The following RGS6 variants were observed in gnomAD, a reference collection of about 807,000 sequenced individuals.
RGS6 encodes regulator of G-protein signaling 6.
In RGS6, 30 loss-of-function variants were observed where a neutral mutation model predicts 78.5. The observed-to-expected ratio is 0.38, with a 90% CI of 0.29 to 0.52. RGS6 has a LOEUF of 0.52. Among genes scored for constraint, RGS6 ranks in the 20% least tolerant of loss-of-function variants. The probability of loss-of-function intolerance (pLI) is 0.85; values close to 1 mark genes in which losing one functional copy is unlikely to be tolerated. For missense variants in RGS6, 495 were observed against 609.7 expected, an observed-to-expected ratio of 0.81 and a Z score of 1.98; for synonymous variants, 206 against 206.0, an observed-to-expected ratio of 1.00 and a Z score of 0.00.
At chr14:72,192,911 A>G (rs138658562) in intron 2 of RGS6, among the ~76,000 whole-genome samples, 136 of 152,004 alleles carry the variant, frequency 8.9e-4, no homozygotes, top group African/African-American at 1.7e-3. Flanking sequence ...TTTCATCAGT[A>G]TAAGGACCCA....
chr14:72,120,148 T>C (rs1226136049), intron 2 of RGS6, among the ~76,000 whole-genome samples: 2 of 152,228 alleles, frequency 1.3e-5, no homozygotes, highest in African/African-American at 4.8e-5. Context: ...TGTCATGGAA[T>C]ATTTAGAGGA....
At chr14:72,360,018 C>T (rs780646682) in intron 3 of RGS6, among the ~76,000 whole-genome samples, 63 of 151,166 alleles carry the variant, frequency 4.2e-4, no homozygotes, top group Middle Eastern at 3.4e-3. Flanking sequence ...TAGAGGGGTA[C>T]GTTAGGTCAG....
intron 2 of RGS6, among the ~76,000 whole-genome samples, chr14:71,992,928 T>G (rs1380624287): frequency 6.6e-6 from 1 of 152,224 alleles, no homozygotes; most frequent in Non-Finnish European, 1.5e-5. Flanking sequence ...TGCATGTTCT[T>G]TCTCCATTGT....
chr14:72,201,414 C>T (rs2041555477), intron 2 of RGS6, among the ~76,000 whole-genome samples: 1 of 152,140 alleles, frequency 6.6e-6, no homozygotes, highest in Admixed American at 6.6e-5. Context: ...TGAATAATTG[C>T]AATCTAGGAT....
chr14:72,265,808 A>T (rs699368), intron 2 of RGS6, among the ~76,000 whole-genome samples: 2 of 151,880 alleles, frequency 1.3e-5, no homozygotes, highest in African/African-American at 4.8e-5. Flanking sequence ...GCCTTCCCCA[A>T]GCTGCCTGTG....
chr14:71,988,787 A>G (rs1050151805), intron 2 of RGS6, among the ~76,000 whole-genome samples: 1 of 152,168 alleles, frequency 6.6e-6, no homozygotes, highest in Non-Finnish European at 1.5e-5. Context: ...ATTTATTTCC[A>G]GGAACCCATG....
At chr14:72,577,483 C>T in the RGS6 span, among the ~76,000 whole-genome samples, 1 of 152,194 alleles carries the variant, frequency 6.6e-6, no homozygotes, top group Non-Finnish European at 1.5e-5. Context: ...TTTTACCCCA[C>T]CTCTGAAAAA....
intron 2 of RGS6, among the ~76,000 whole-genome samples, chr14:72,264,744 A>G (rs2058750200): frequency 6.6e-6 from 1 of 152,226 alleles, no homozygotes; most frequent in Non-Finnish European, 1.5e-5. Context: ...CAAGTTTGCA[A>G]TCCTGGGTCT....
intron 3 of RGS6, among the ~76,000 whole-genome samples, chr14:72,378,437 A>C (rs2085276874): frequency 6.6e-6 from 1 of 152,080 alleles, no homozygotes; most frequent in South Asian, 2.1e-4. Context: ...GAAAAGAAAA[A>C]CAAAATTTTA....
intron 2 of RGS6, among the ~76,000 whole-genome samples, chr14:72,213,596 A>G (rs2044724306): frequency 6.6e-6 from 1 of 152,032 alleles, no homozygotes; most frequent in African/African-American, 2.4e-5. Flanking sequence ...ACTGGGAACA[A>G]CCCCTCCTTA....
intron 3 of RGS6, among the ~76,000 whole-genome samples, chr14:72,403,329 TAAGTG>T (rs1355048946): frequency 6.6e-6 from 1 of 152,242 alleles, no homozygotes; most frequent in Admixed American, 6.5e-5. Flanking sequence ...GACATTACGT[TAAGTG>T]AAGTAACCCA....
intron 3 of RGS6, among the ~76,000 whole-genome samples, chr14:72,414,617 C>G (rs994918174): frequency 5.3e-5 from 8 of 152,196 alleles, no homozygotes. Flanking sequence ...AGCTGCATTC[C>G]TTTGGAGGAG....
the RGS6 span, among the ~76,000 whole-genome samples, chr14:72,609,827 G>A: frequency 1.3e-5 from 2 of 152,172 alleles, no homozygotes; most frequent in African/African-American, 4.8e-5. Flanking sequence ...TCCCAAATCT[G>A]TAGCCCTTTT....
chr14:72,622,381 A>G, the RGS6 span, among the ~76,000 whole-genome samples: 20 of 152,330 alleles, frequency 1.3e-4, no homozygotes, highest in Admixed American at 1.2e-3. Flanking sequence ...AAACAGTTAC[A>G]TCATTATTGC....
At chr14:72,428,666 A>G (rs890933904) in intron 3 of RGS6, among the ~76,000 whole-genome samples, 1 of 152,204 alleles carries the variant, frequency 6.6e-6, no homozygotes, top group African/African-American at 2.4e-5. Context: ...CCATGTAACA[A>G]CTGAAGAGCA....
chr14:72,266,076 T>A (rs968338224), intron 2 of RGS6, among the ~76,000 whole-genome samples: 6 of 152,188 alleles, frequency 3.9e-5, no homozygotes, highest in African/African-American at 1.4e-4. Context: ...CACTCATGAT[T>A]TTGTGGATCG....
intron 3 of RGS6, among the ~76,000 whole-genome samples, chr14:72,358,217 T>C (rs750133343): frequency 6.6e-6 from 1 of 152,212 alleles, no homozygotes; most frequent in Non-Finnish European, 1.5e-5. Flanking sequence ...AGAGCCCTCA[T>C]GGAGAGCCTC....
chr14:72,204,005 T>C (rs1417775562), intron 2 of RGS6, among the ~76,000 whole-genome samples: 27 of 151,966 alleles, frequency 1.8e-4, no homozygotes, highest in Admixed American at 1.8e-3. Context: ...TTTGTATTTT[T>C]AGTAGACGGG....
intron 1 of RGS6, among the ~76,000 whole-genome samples, chr14:71,955,403 C>T (rs577016453): frequency 2.0e-5 from 3 of 152,186 alleles, no homozygotes; most frequent in East Asian, 1.9e-4. Flanking sequence ...AGAAATAATT[C>T]GGGGCAAGTC....
Sources: gnomAD v4.1 joint callset for allele counts (sites outside exome capture counted in the v4.1 genomes callset) on GRCh38, gnomAD v4.1.1 for gene constraint, MANE v1.5 for transcripts, NCBI Gene and HGNC (gene_info 2026-07-23, HGNC 2026-07-21) for gene names.